POLQ: variants seen among roughly 807,000 people sequenced by gnomAD.
POLQ encodes the protein epididymis secretory sperm binding protein.
In POLQ, 233 loss-of-function variants were observed where a neutral mutation model predicts 259.2. The observed-to-expected ratio is 0.90, with a 90% CI of 0.81 to 1.00. The LOEUF (loss-of-function observed/expected upper bound fraction) is 1.00, where lower values mean the gene tolerates loss of function less well. Ranked by LOEUF, POLQ falls within the 50% of genes least tolerant of loss-of-function variation. The pLI, the probability that POLQ is intolerant of heterozygous loss-of-function variation, is 0.00. For missense variants in POLQ, 2,871 were observed against 3,051.6 expected (o/e 0.94, Z 1.39); for synonymous variants, 1,025 against 1,048.8 (o/e 0.98, Z 0.44).
intron 25 of POLQ, among the ~76,000 whole-genome samples, chr3:121,454,520 A>G (rs1481349279): frequency 6.6e-6 from 1 of 152,226 alleles, no homozygotes; most frequent in East Asian, 1.9e-4. Context: ...TAGGCTCAAA[A>G]TAAAAGGATG....
In POLQ at chr3:121,460,055, T is replaced by C; in HGVS notation, c.7147A>G (p.Lys2383Glu). 6.2e-7 allele frequency: 1 copy of C among 1,613,026 alleles called. No homozygotes were observed. Among genetic ancestry groups the C allele is most frequent in the South Asian group, 1.1e-5 (1 of 90,992 alleles). ...SVGDDLRQQA[K>E]QICYGIIYGM... is the part of the protein sequence containing the mutation. ...ACCATGTTCACTAAAATCACCTGTT[T>C]TGCCTGCTGCCTCAGATCATCCCCA... The change falls in exon 25 of 30, where the codon AAA becomes GAA. Residue 2383 changes from lysine to glutamate, a missense_variant. Lys to Glu is a moderately conservative substitution (Grantham distance 56). This residue lies in a region of POLQ where 2,080 missense variants were observed against 2,126.0 expected (regional missense o/e 0.98). Transcript: ENST00000264233.
intron 3 of POLQ, among the ~76,000 whole-genome samples, chr3:121,540,059 T>TAA (rs1491175269): frequency 7.1e-6 from 1 of 141,396 alleles, no homozygotes; most frequent in East Asian, 2.0e-4. Context: ...TTAATAATAA[T>TAA]TTTTTTTTTT....
chr3:121,534,936 GT>G (rs1372816653), intron 5 of POLQ, among the ~76,000 whole-genome samples: 33 of 152,160 alleles, frequency 2.2e-4, no homozygotes, highest in African/African-American at 8.0e-4. Flanking sequence ...ATTAAAATAT[GT>G]TAAGACTTGC....
chr3:121,457,976 G>C (rs1318948837), intron 25 of POLQ, among the ~76,000 whole-genome samples: 1 of 152,106 alleles, frequency 6.6e-6, no homozygotes, highest in African/African-American at 2.4e-5. Flanking sequence ...CAAAGACTTG[G>C]AACCAACCCA....
At position 121,492,637 on chromosome 3, in the gene POLQ, C is replaced by CT. The variant is rs1213332147; in HGVS notation, c.2522+840dup. On this transcript the variant is annotated intron_variant, in intron 15 of 29. Coordinates refer to ENST00000264233, the MANE Select transcript of POLQ (RefSeq NM_199420.4). ...ATTGATACCAAACTTTTGCTCAGTA[C>CT]TTTTTTTTTTTTTTTTGAGACACGA... Among the ~76,000 whole-genome samples, 592 of 140,246 alleles carry CT rather than the reference C, an allele frequency of 4.2e-3. 1 individual carries two copies. The highest frequency in any genetic ancestry group is 5.4e-3 in the Admixed American group (75 of 13,866). The allele number at this position is 140,246 out of a possible 152,430, so 92.0% of individuals were successfully genotyped here. A position where few individuals can be genotyped will look rare whatever the true frequency, so the allele number is the denominator to read the frequency against.
intron 22 of POLQ, 101 bp from the exon 23 acceptor site, chr3:121,468,532 C>A: frequency 1.4e-6 from 1 of 715,094 alleles, no homozygotes; most frequent in South Asian, 1.9e-5. Context: ...TGCAGACTAT[C>A]AATGCTGAAC....
chr3:121,468,581 A>C (rs2047857450), intron 22 of POLQ, 150 bp from the exon 23 acceptor site: 1 of 573,514 alleles, frequency 1.7e-6, no homozygotes, highest in Non-Finnish European at 3.0e-6. Context: ...CATCATGTTC[A>C]TGTGTCTAAC....
rs372878382 is a variant in POLQ at position 121,487,630 on chromosome 3, T to C, written c.5301A>G (p.Gln1767=). 37 of 1,613,896 alleles carry C rather than the reference T, an allele frequency of 2.3e-5. No individual in the cohort carries two copies. The African/African-American group carries it at 2.7e-4, about 12-fold the overall frequency. The change falls in exon 16 of 30, where the codon CAA becomes CAG. Residue 1767 remains glutamine (Q), a synonymous_variant. Coordinates refer to ENST00000264233, the MANE Select transcript of POLQ (RefSeq NM_199420.4). ...AGCCAAATAAATAACTTTCACCAGG[T>C]TGTAAAACATTATTAGTTTTCCAAG... ...VNPWKTNNVL[Q]PGESYLFGSP...
chr3:121,494,895 C>T (rs2048103104), intron 14 of POLQ: 1 of 1,543,524 alleles, frequency 6.5e-7, no homozygotes, highest in Admixed American at 1.7e-5. Flanking sequence ...GAACTTGCCA[C>T]TAAACTGGGT....
chr3:121,472,382 A>C (rs2047890850), intron 21 of POLQ, among the ~76,000 whole-genome samples: 1 of 152,212 alleles, frequency 6.6e-6, no homozygotes. Flanking sequence ...ATCAATTTAA[A>C]ACTACCTTTT....
Position 121,468,106 on chromosome 3 carries a change from C to CT in POLQ, c.6845+198dup, listed in dbSNP as rs372582361. ...TTAAAGCTTAACAAAGATACTAGAA[C>CT]TTTTTTTAGCAAACATTGAATTAAA... On this transcript the variant is annotated intron_variant, in intron 23 of 29. Coordinates refer to ENST00000264233, the MANE Select transcript of POLQ (RefSeq NM_199420.4). Among the ~76,000 whole-genome samples the CT allele has an allele frequency of 7.2e-5, 11 of 152,274 alleles. 1 individual carries two copies. The highest frequency in any genetic ancestry group is 4.1e-4 in the South Asian group (2 of 4,822).
chr3:121,432,554 A>C (rs2047503640), intron 29 of POLQ, 137 bp from the exon 30 acceptor site: 1 of 724,946 alleles, frequency 1.4e-6, no homozygotes, highest in African/African-American at 1.9e-5. Flanking sequence ...AAAAATAAAA[A>C]ATAAAATAAA....
intron 28 of POLQ, among the ~76,000 whole-genome samples, chr3:121,433,778 A>G (rs1269625524): frequency 6.6e-6 from 1 of 152,168 alleles, no homozygotes; most frequent in Non-Finnish European, 1.5e-5. Flanking sequence ...AACTGCCTTT[A>G]CTTGTTTGCT....
Position 121,489,742 on chromosome 3 carries a change from A to G in POLQ, c.3189T>C (p.Cys1063=). Residue 1063 remains cysteine (C), a synonymous_variant, in exon 16 of 30, where the codon TGT becomes TGC. Coordinates refer to ENST00000264233, the MANE Select transcript of POLQ (RefSeq NM_199420.4). The part of the protein sequence containing the change: ...DSSPLKDSGA[C]RIHLQGQTLS... ...GAGTCTGTCCTTGTAAATGGATTCTACACGCTCCAGAGTCTTTCAGGGGGC... is the reference window on the plus strand; with the variant it reads ...GAGTCTGTCCTTGTAAATGGATTCTGCACGCTCCAGAGTCTTTCAGGGGGC... The G allele has an allele frequency of 6.2e-7, 1 of 1,612,442 alleles. No individual in the cohort carries two copies. The highest frequency in any genetic ancestry group is 8.5e-7 in the Non-Finnish European group (1 of 1,179,756).
chr3:121,544,222 G>A (rs981677710), intron 2 of POLQ, among the ~76,000 whole-genome samples: 5 of 151,810 alleles, frequency 3.3e-5, no homozygotes, highest in South Asian at 2.1e-4. Flanking sequence ...GCCTGGTGGC[G>A]CACACCTGTA....
intron 25 of POLQ, among the ~76,000 whole-genome samples, chr3:121,450,413 A>G (rs559782190): frequency 1.3e-5 from 2 of 151,660 alleles, no homozygotes; most frequent in Admixed American, 1.3e-4. Context: ...GTATATGTGC[A>G]CAATGTGCAG....
At position 121,544,744 on chromosome 3, in the gene POLQ, T is replaced by G; in HGVS notation, c.326A>C (p.Lys109Thr). 6.2e-7 allele frequency: 1 copy of G among 1,610,096 alleles called. No individual in the cohort carries two copies. The highest frequency in any genetic ancestry group is 8.5e-7 in the Non-Finnish European group (1 of 1,177,204). The change falls in exon 2 of 30, where the codon AAG becomes ACG. Residue 109 changes from lysine to threonine, a missense_variant. By Grantham distance (78) the Lys-to-Thr change is moderately conservative (BLOSUM62 -1). Coordinates refer to ENST00000264233, the MANE Select transcript of POLQ (RefSeq NM_199420.4). ...CLLLGQVLEG[K>T]NLVYSAPTSA... ...TTGGATACCTGAATAAACTAAATTC[T>G]TTCCTTCCAGGACTTGTCCAAGCAA...
In POLQ at chr3:121,487,790, T is replaced by C; in HGVS notation, c.5141A>G (p.His1714Arg). The C allele has an allele frequency of 6.2e-7, 1 of 1,610,454 alleles. No homozygotes were observed. Among genetic ancestry groups the C allele is most frequent in the Non-Finnish European group, 8.5e-7 (1 of 1,178,564 alleles). The change falls in exon 16 of 30, where the codon CAT (histidine) becomes CGT (arginine). Residue 1714 changes from histidine (H) to arginine (R), a missense_variant. By Grantham distance (29) the His-to-Arg change is conservative (BLOSUM62 0). Coordinates refer to ENST00000264233, the MANE Select transcript of POLQ (RefSeq NM_199420.4). ...KIEMLENNAN[H>R]DETSSLLPRK... ...AGGTAAGAGGGATGAGGTTTCATCA[T>C]GATTGGCATTGTTTTCTAGCATCTC...
At chr3:121,465,753 G>A (rs1028259853) in intron 24 of POLQ, among the ~76,000 whole-genome samples, 1 of 152,136 alleles carries the variant, frequency 6.6e-6, no homozygotes, top group African/African-American at 2.4e-5. Context: ...TTTTGTGTGT[G>A]TTCTAACTAC....
Sources: gnomAD v4.1 joint callset for allele counts (sites outside exome capture counted in the v4.1 genomes callset) on GRCh38, gnomAD v4.1.1 for gene constraint, gnomAD v4.1.1 regional missense constraint, MANE v1.5 for transcripts, NCBI Gene and HGNC (gene_info 2026-07-23, HGNC 2026-07-21) for gene names.